The following OSBPL10 variants were observed in gnomAD, a reference collection of about 807,000 sequenced individuals.
OSBPL10 encodes oxysterol binding protein like 10.
In OSBPL10, 49 loss-of-function variants were observed where a neutral mutation model predicts 81.7. The observed-to-expected ratio is 0.60, with a 90% CI of 0.48 to 0.76. The LOEUF (loss-of-function observed/expected upper bound fraction) is 0.76, where lower values mean the gene tolerates loss of function less well. Among genes scored for constraint, OSBPL10 ranks in the 30% least tolerant of loss-of-function variants. OSBPL10 has a pLI of 0.00. For missense variants in OSBPL10, 923 were observed against 987.8 expected, an observed-to-expected ratio of 0.93 and a Z score of 0.88; for synonymous variants, 419 against 383.6, an observed-to-expected ratio of 1.09 and a Z score of -1.08.
chr3:31,981,126 G>T lies in OSBPL10; in HGVS notation c.54C>A (p.Ser18Arg). ...TDGGGGSNSS[S>R]RSSSRATSAG... ...CCGAGGTAGCACGGCTGCTGCTGCG[G>T]CTGCTGCTGTTGCTACCCCCGCCGC... The change falls in exon 1 of 12, where the codon AGC becomes AGA. Residue 18 changes from serine (S) to arginine (R), a missense_variant. Physicochemically the swap from Ser to Arg is moderately radical, Grantham distance 110. Transcript: ENST00000396556. This position sits in a 1 kb window ranked among gnomAD's most constrained non-coding sequence, Gnocchi z 4.5. The T allele has an allele frequency of 6.7e-7, 1 of 1,492,918 alleles. No homozygotes were observed. The highest frequency in any genetic ancestry group is 8.9e-7 in the Non-Finnish European group (1 of 1,126,194). 92.5% of individuals were successfully genotyped at this position (1,492,918 alleles called of 1,614,324 possible). A position where few individuals can be genotyped will look rare whatever the true frequency, so the allele number is the denominator to read the frequency against.
intron 2 of OSBPL10, among the ~76,000 whole-genome samples, chr3:32,017,494 G>A (rs187065779): frequency 6.6e-6 from 1 of 151,858 alleles, no homozygotes; most frequent in African/African-American, 2.4e-5. Flanking sequence ...TTGGCAAGTG[G>A]CTGAGCTGAG....
intron 1 of OSBPL10, among the ~76,000 whole-genome samples, chr3:31,914,325 C>T (rs1249348734): frequency 2.0e-5 from 3 of 152,166 alleles, no homozygotes; most frequent in African/African-American, 4.8e-5. Context: ...AGAGTGCTAT[C>T]GCCAACTAAG....
intron 6 of OSBPL10, among the ~76,000 whole-genome samples, chr3:31,713,141 C>G (rs1231764627): frequency 1.3e-5 from 2 of 152,122 alleles, no homozygotes; most frequent in African/African-American, 4.8e-5. Flanking sequence ...AAGCCCTCTC[C>G]TCTTGACTCA....
intron 4 of OSBPL10, among the ~76,000 whole-genome samples, chr3:31,752,284 T>C (rs549101630): frequency 6.6e-6 from 1 of 152,326 alleles, no homozygotes; most frequent in South Asian, 2.1e-4. Flanking sequence ...ACATTAATCA[T>C]CCATGATTGT....
intron 4 of OSBPL10, among the ~76,000 whole-genome samples, chr3:31,775,503 T>G (rs1435279805): frequency 1.0e-5 from 1 of 96,400 alleles, no homozygotes; most frequent in Non-Finnish European, 2.7e-5. Flanking sequence ...GAGTTGAAAT[T>G]TTTAGTAATG....
intron 1 of OSBPL10, among the ~76,000 whole-genome samples, chr3:31,925,233 C>T (rs764942893): frequency 5.9e-5 from 9 of 152,108 alleles, no homozygotes; most frequent in Admixed American, 6.5e-5. Context: ...CTCCCTTGCC[C>T]GGGAGGTTTT....
chr3:31,862,854 C>T lies in OSBPL10; in HGVS notation c.537+13579G>A, dbSNP rs564616829. On this transcript the variant is annotated intron_variant, in intron 3 of 11. Transcript: ENST00000396556. The stretch of plus-strand genomic sequence containing the variant: ...TGGTGCAGCTGCTTTGGAAACCAGT[C>T]TGGTTGTTCCTTAAAAAGCTAAACA... Among the ~76,000 whole-genome samples, 125 of 152,296 alleles carry T rather than the reference C, an allele frequency of 8.2e-4. 2 individuals carry two copies. The highest frequency in any genetic ancestry group is 1.5e-3 in the Non-Finnish European group (103 of 68,022).
At position 32,062,149 on chromosome 3, in the gene OSBPL10, C is replaced by A. The variant is rs1165907802; in HGVS notation, n.185+15247G>T. 6.5e-5 allele frequency among the ~76,000 whole-genome samples: 6 copies of A among 92,566 alleles called. 2 individuals are homozygous for A. In the East Asian group the frequency reaches 1.5e-3, roughly 23 times the overall value. 60.7% of individuals were successfully genotyped at this position (92,566 alleles called of 152,430 possible). On this transcript the variant is annotated intron_variant and non_coding_transcript_variant, in intron 1 of 3. Transcript: ENST00000479173. ...TTGAGACAGAGTCTCGCTCTATGGCCCAGGCTGGAATGCAGTGGCACAATC... is the reference window on the plus strand; with the variant it reads ...TTGAGACAGAGTCTCGCTCTATGGCACAGGCTGGAATGCAGTGGCACAATC...
chr3:31,921,237 G>A (rs1696903419), intron 1 of OSBPL10, among the ~76,000 whole-genome samples: 1 of 152,062 alleles, frequency 6.6e-6, no homozygotes, highest in East Asian at 1.9e-4. Flanking sequence ...GTACACACAT[G>A]TACTTTTTTT....
chr3:31,852,558 C>T (rs144577695), intron 3 of OSBPL10, among the ~76,000 whole-genome samples: 23 of 145,912 alleles, frequency 1.6e-4, no homozygotes, highest in Admixed American at 1.3e-3. Context: ...TCCTGTGGCA[C>T]GGAAGTTTTT....
chr3:31,731,675 G>T (rs1696976293), intron 6 of OSBPL10, among the ~76,000 whole-genome samples: 2 of 152,100 alleles, frequency 1.3e-5, no homozygotes, highest in South Asian at 4.2e-4. Flanking sequence ...TTTTAGTAGA[G>T]ATGGGGTTTC....
At chr3:31,856,341 G>C (rs561934000) in intron 3 of OSBPL10, among the ~76,000 whole-genome samples, 2 of 152,266 alleles carry the variant, frequency 1.3e-5, no homozygotes, top group East Asian at 3.9e-4. Context: ...GTATGTTTAG[G>C]AGGGTGATGT....
At chr3:31,863,012 C>A (rs1418990975) in intron 3 of OSBPL10, among the ~76,000 whole-genome samples, 1 of 152,076 alleles carries the variant, frequency 6.6e-6, no homozygotes, top group Non-Finnish European at 1.5e-5. Flanking sequence ...GCAAAAGCAA[C>A]CCAAATATGC....
intron 4 of OSBPL10, among the ~76,000 whole-genome samples, chr3:31,801,886 G>A (rs1575554345): frequency 6.6e-6 from 1 of 151,644 alleles, no homozygotes; most frequent in Admixed American, 6.6e-5. Context: ...GCAATGGCAC[G>A]ATCTCAGCTC....
chr3:31,912,854 G>A (rs932700103), intron 1 of OSBPL10, among the ~76,000 whole-genome samples: 1 of 152,168 alleles, frequency 6.6e-6, no homozygotes, highest in Non-Finnish European at 1.5e-5. Flanking sequence ...CCCATGGCCT[G>A]CTCAATCCAT....
intron 4 of OSBPL10, among the ~76,000 whole-genome samples, chr3:31,770,852 AC>A (rs1698361342): frequency 6.6e-6 from 1 of 152,196 alleles, no homozygotes; most frequent in Non-Finnish European, 1.5e-5. Context: ...ATAATAAAAT[AC>A]GAGAAAATAC....
rs11290287 is a variant in OSBPL10 at position 31,857,999 on chromosome 3, GTTT to G, written c.537+18431_537+18433del. ...ATGGTATATCTTCCCCACAGCCTGT[GTTT>G]TTTTTTTTTTTGAGACAAGGTCTCG... is the stretch of plus-strand genomic sequence containing the variant. On this transcript the variant is annotated intron_variant, in intron 3 of 11. Transcript: ENST00000396556. 1.1e-3 allele frequency among the ~76,000 whole-genome samples: 158 copies of G among 139,738 alleles called. 1 individual carries two copies. The highest frequency in any genetic ancestry group is 4.0e-3 in the African/African-American group (154 of 38,302). The allele number at this position is 139,738 out of a possible 152,430, so 91.7% of individuals were successfully genotyped here.
At chr3:31,975,798 A>AT (rs1288339804) in intron 1 of OSBPL10, among the ~76,000 whole-genome samples, 2 of 152,126 alleles carry the variant, frequency 1.3e-5, no homozygotes, top group African/African-American at 4.8e-5. Context: ...ACATTTATTC[A>AT]TTTTTTTATC....
chr3:31,779,431 A>G (rs1318558145), intron 4 of OSBPL10, among the ~76,000 whole-genome samples: 4 of 152,194 alleles, frequency 2.6e-5, no homozygotes, highest in Non-Finnish European at 5.9e-5. Context: ...TATCAGACAA[A>G]GGACTTTAAA....
Sources: gnomAD v4.1 joint callset for allele counts (sites outside exome capture counted in the v4.1 genomes callset) on GRCh38, gnomAD v4.1.1 for gene constraint, Gnocchi (gnomAD v3.1) non-coding constraint, MANE v1.5 for transcripts, NCBI Gene and HGNC (gene_info 2026-07-23, HGNC 2026-07-21) for gene names.